The following CCNH variants were observed in gnomAD, a reference collection of about 807,000 sequenced individuals.
CCNH encodes cyclin H.
In CCNH, 31 loss-of-function variants were observed where a neutral mutation model predicts 41.9. The ratio of observed to expected loss-of-function variants is 0.74; its 90% CI spans 0.56 to 1.00. The LOEUF (loss-of-function observed/expected upper bound fraction) is 1.00. CCNH is among the 50% of genes least tolerant of loss of function. The pLI, the probability that CCNH is intolerant of heterozygous loss-of-function variation, is 0.00. For synonymous variants in CCNH, 138 were observed against 136.1 expected, an observed-to-expected ratio of 1.01 and a Z score of -0.10; for missense variants, 362 against 388.4, an observed-to-expected ratio of 0.93 and a Z score of 0.57.
intron 9 of CCNH, among the ~76,000 whole-genome samples, chr5:87,329,114 T>C (rs1757432829): frequency 6.6e-6 from 1 of 152,110 alleles, no homozygotes; most frequent in African/African-American, 2.4e-5. Context: ...TGAACTGACT[T>C]ATCCATTTTA....
At chr5:87,379,886 G>GT (rs773512626), upstream of CCNH, 19 of 1,590,382 alleles carry the variant, frequency 1.2e-5, no homozygotes, top group Non-Finnish European at 1.6e-5. Context: ...AAGAAATTGT[G>GT]TATCTATGTC....
chr5:87,390,252 C>T (rs1401252880), downstream of CCNH, among the ~76,000 whole-genome samples: 2 of 152,136 alleles, frequency 1.3e-5, no homozygotes, highest in East Asian at 3.9e-4. Flanking sequence ...GAGGAAGTGA[C>T]CACAGGGACA....
rs1421369290 is a variant in CCNH, at chr5:87,338,537, T to TA, written c.*91-19641_*91-19640insT. On this transcript the variant is annotated intron_variant and NMD_transcript_variant, in intron 9 of 9. Transcript: ENST00000645953. ...TATATATATATATATATATATAAAA[T>TA]TTTTTTTTTTTTTAAGTAGAAATGG... is the stretch of plus-strand genomic sequence containing the variant. Among the ~76,000 whole-genome samples the TA allele has an allele frequency of 7.5e-5, 6 of 79,792 alleles. 1 individual carries two copies. The highest frequency in any genetic ancestry group is 1.4e-4 in the African/African-American group (3 of 21,916). 52.3% of individuals were successfully genotyped at this position (79,792 alleles called of 152,430 possible).
At chr5:87,323,159 G>A (rs1756952420) in intron 9 of CCNH, among the ~76,000 whole-genome samples, 1 of 152,110 alleles carries the variant, frequency 6.6e-6, no homozygotes, top group South Asian at 2.1e-4. Flanking sequence ...TGAGGAAAAG[G>A]CACGTAGAAA....
downstream of CCNH, chr5:87,391,108 T>A (rs1762481297): frequency 6.4e-6 from 4 of 620,570 alleles, no homozygotes; most frequent in Non-Finnish European, 1.2e-5. Context: ...ATGGAATCAA[T>A]CTTTAACAAC....
At chr5:87,337,666 T>C (rs974430444) in intron 9 of CCNH, among the ~76,000 whole-genome samples, 9 of 152,158 alleles carry the variant, frequency 5.9e-5, no homozygotes, top group African/African-American at 2.2e-4. Flanking sequence ...CTTCAATATA[T>C]GTACAATCAG....
chr5:87,352,202 C>T (rs981003800), intron 9 of CCNH, among the ~76,000 whole-genome samples: 6 of 151,648 alleles, frequency 4.0e-5, no homozygotes, highest in African/African-American at 1.5e-4. Flanking sequence ...CATTCATACA[C>T]TACTAGTTAA....
chr5:87,345,579 C>T (rs972479134), intron 9 of CCNH, among the ~76,000 whole-genome samples: 4 of 152,074 alleles, frequency 2.6e-5, no homozygotes, highest in African/African-American at 9.7e-5. Context: ...CAGGGAGCAC[C>T]AGGAGATCTG....
chr5:87,349,173 A>T (rs1319795066), intron 9 of CCNH: 1 of 1,602,042 alleles, frequency 6.2e-7, no homozygotes, highest in Middle Eastern at 1.7e-4. Flanking sequence ...TTTCTTTTTT[A>T]TTTGATAATT....
chr5:87,389,345 A>C (rs1428274991), downstream of CCNH: 1 of 1,611,352 alleles, frequency 6.2e-7, no homozygotes, highest in Non-Finnish European at 8.5e-7. Context: ...AAAAACAAAA[A>C]AAAAGAAGAT....
downstream of CCNH, among the ~76,000 whole-genome samples, chr5:87,388,441 A>G (rs1233218786): frequency 6.6e-6 from 1 of 152,198 alleles, no homozygotes. Flanking sequence ...TAAAAAATCC[A>G]AAACTTGTTG....
At chr5:87,385,494 C>T (rs1351652410) in intron 9 of CCNH, 12 of 830,686 alleles carry the variant, frequency 1.4e-5, no homozygotes, top group Non-Finnish European at 2.0e-5. Flanking sequence ...AAATTTTTAG[C>T]GATGAAAGAT....
downstream of CCNH, chr5:87,372,228 C>G: frequency 6.3e-7 from 1 of 1,579,124 alleles, no homozygotes; most frequent in Non-Finnish European, 8.7e-7. Flanking sequence ...TTTTAATTGT[C>G]ACATTTTGCT....
In CCNH at chr5:87,411,235, T is replaced by C. The variant is rs1283959344; in HGVS notation, c.229A>G (p.Arg77Gly). 6.2e-7 allele frequency: 1 copy of C among 1,611,818 alleles called. No homozygotes were observed. Among genetic ancestry groups the C allele is most frequent in the Non-Finnish European group, 8.5e-7 (1 of 1,179,080 alleles). Residue 77 changes from arginine (R) to glycine (G), a missense_variant, in exon 2 of 9, where the codon AGA becomes GGA. Coordinates refer to ENST00000256897, the MANE Select transcript of CCNH (RefSeq NM_001239.4). ...CCACTGTAACTTACCACAACAGATCTTGGCATTGCTGGCTTAAACACCGAA... is the reference window on the plus strand; with the variant it reads ...CCACTGTAACTTACCACAACAGATCCTGGCATTGCTGGCTTAAACACCGAA... ...FCSVFKPAMP[R>G]SVVGTACMYF...
chr5:87,347,945 A>G (rs1758981668), intron 9 of CCNH, among the ~76,000 whole-genome samples: 1 of 151,990 alleles, frequency 6.6e-6, no homozygotes, highest in African/African-American at 2.4e-5. Flanking sequence ...TTTCCTTAAT[A>G]CATTAGTTTG....
intron 9 of CCNH, among the ~76,000 whole-genome samples, chr5:87,347,311 T>C (rs1758936563): frequency 6.6e-6 from 1 of 151,992 alleles, no homozygotes; most frequent in African/African-American, 2.4e-5. Context: ...AATTTTAACA[T>C]TTCCCAAAAC....
intron 9 of CCNH, among the ~76,000 whole-genome samples, chr5:87,337,459 G>A (rs1408599263): frequency 2.0e-5 from 3 of 152,010 alleles, no homozygotes; most frequent in Non-Finnish European, 2.9e-5. Context: ...TAAGAAAAAT[G>A]TTAACTGACA....
chr5:87,362,711 CGTT>C (rs776657323), intron 9 of CCNH: 11 of 1,584,584 alleles, frequency 6.9e-6, no homozygotes, highest in South Asian at 1.1e-5. Context: ...TTGATAGAGA[CGTT>C]GTAAATATGG....
chr5:87,338,532 T>C (rs1264439015), intron 9 of CCNH, among the ~76,000 whole-genome samples: 1 of 59,676 alleles, frequency 1.7e-5, no homozygotes, highest in Non-Finnish European at 4.2e-5. Flanking sequence ...TATATATATA[T>C]AAAATTTTTT....
Sources: allele counts gnomAD v4.1 joint callset (sites outside exome capture counted in the v4.1 genomes callset), GRCh38; gene constraint gnomAD v4.1.1; transcripts MANE v1.5; gene names NCBI Gene and HGNC (gene_info 2026-07-23, HGNC 2026-07-21).